The following PCDHGA4 variants were observed in gnomAD, a reference collection of about 807,000 sequenced individuals.
PCDHGA4 encodes protocadherin gamma subfamily A, 4, also known as protocadherin gamma-A4.
In PCDHGA4, 38 loss-of-function variants were observed where a neutral mutation model predicts 54.6. The ratio of observed to expected loss-of-function variants is 0.70; its 90% CI spans 0.54 to 0.91. PCDHGA4 has a LOEUF of 0.91. PCDHGA4 is among the 40% of genes least tolerant of loss of function. The probability of loss-of-function intolerance (pLI) is 0.00; values close to 1 mark genes in which losing one functional copy is unlikely to be tolerated. For missense variants in PCDHGA4, 1,298 were observed against 1,220.9 expected (o/e 1.06, Z -0.94); for synonymous variants, 511 against 512.9 (o/e 1.00, Z 0.05).
intron 1 of PCDHGA4, chr5:141,433,291 T>C: frequency 9.1e-7 from 1 of 1,094,048 alleles, no homozygotes; most frequent in Non-Finnish European, 1.3e-6. Context: ...ACTCCTAGGC[T>C]CAAGCAATTA....
chr5:141,423,184 C>G (rs747938944), intron 1 of PCDHGA4: 3 of 1,613,560 alleles, frequency 1.9e-6, no homozygotes, highest in Non-Finnish European at 2.5e-6. Context: ...CCACGGCCAG[C>G]CCCCTCTCTC....
chr5:141,409,904 G>T lies in PCDHGA4; in HGVS notation c.2514+52283G>T, dbSNP rs757396196. 10 of 1,613,278 alleles carry T rather than the reference G, an allele frequency of 6.2e-6. No homozygotes were observed. The South Asian group carries it at 1.1e-4, about 18-fold the overall frequency. On this transcript the variant is annotated intron_variant, in intron 1 of 3. Coordinates refer to ENST00000571252, the MANE Select transcript of PCDHGA4 (RefSeq NM_018917.4). ...ACCGCGGGTGCTGTACCCAGCTCTGGGTCCTGACGGCTCCGCGTTCTTCGA... is the reference window on the plus strand; with the variant it reads ...ACCGCGGGTGCTGTACCCAGCTCTGTGTCCTGACGGCTCCGCGTTCTTCGA...
rs888389135 is a variant in PCDHGA4 at position 141,487,089 on chromosome 5, C to T, written c.2515-7718C>T. 12 of 1,613,882 alleles carry T rather than the reference C, an allele frequency of 7.4e-6. No individual in the cohort carries two copies. Among genetic ancestry groups the T allele is most frequent in the Non-Finnish European group, 1.0e-5 (12 of 1,179,768 alleles). On this transcript the variant is annotated intron_variant, in intron 1 of 3. Coordinates refer to ENST00000571252, the MANE Select transcript of PCDHGA4 (RefSeq NM_018917.4). The surrounding 1 kb of genome is among the most constrained non-coding windows in gnomAD (Gnocchi z 5.0). The stretch of plus-strand genomic sequence containing the variant: ...GCTGTTCCTATCCCAGCTGACCTCC[C>T]ACCACAGAAGCTGGTCATTGTGGTA...
At chr5:141,448,990 T>C (rs1419678645) in intron 1 of PCDHGA4, among the ~76,000 whole-genome samples, 1 of 152,070 alleles carries the variant, frequency 6.6e-6, no homozygotes, top group Non-Finnish European at 1.5e-5. Flanking sequence ...TATTAATATA[T>C]AGAAAGCTGT....
chr5:141,394,184 C>T (rs1277537550), intron 1 of PCDHGA4: 1 of 1,613,944 alleles, frequency 6.2e-7, no homozygotes, highest in Non-Finnish European at 8.5e-7. Flanking sequence ...ATGCCTCCTA[C>T]TCAGCGTATA....
intron 1 of PCDHGA4, 162 bp from the exon 2 acceptor site, chr5:141,494,645 G>A: frequency 1.1e-6 from 1 of 935,948 alleles, no homozygotes. Flanking sequence ...GAGACCTGAG[G>A]TGTATTTTGT....
chr5:141,421,353 G>T, intron 1 of PCDHGA4: 1 of 1,613,998 alleles, frequency 6.2e-7, no homozygotes, highest in Non-Finnish European at 8.5e-7. Context: ...AGACCGAAAA[G>T]GGCTCCTTCG....
chr5:141,399,814 C>T, intron 1 of PCDHGA4: 2 of 1,613,238 alleles, frequency 1.2e-6, no homozygotes, highest in Non-Finnish European at 1.7e-6. Context: ...GTACCCCGCG[C>T]TGGGTCCCGA....
intron 1 of PCDHGA4, chr5:141,388,133 G>C: frequency 6.9e-7 from 1 of 1,450,894 alleles, no homozygotes. Flanking sequence ...AGAGCGGGGA[G>C]TTGCTTGTGA....
At chr5:141,465,767 T>A (rs1427458413) in intron 1 of PCDHGA4, among the ~76,000 whole-genome samples, 1 of 152,016 alleles carries the variant, frequency 6.6e-6, no homozygotes, top group Non-Finnish European at 1.5e-5. Context: ...TCATGTTTCA[T>A]CTCTTGTTAC....
In PCDHGA4 at chr5:141,477,500, T is replaced by C. The variant is rs757547508; in HGVS notation, c.2515-17307T>C. The C allele has an allele frequency of 3.1e-6, 5 of 1,614,156 alleles. No homozygotes were observed. Among genetic ancestry groups the C allele is most frequent in the Non-Finnish European group, 4.2e-6 (5 of 1,180,026 alleles). ...CCCTCCACAATCTTCTCAATCTTCC[T>C]ACGACGTTTACATTGAAGAAAACAA... On this transcript the variant is annotated intron_variant, in intron 1 of 3. Coordinates refer to ENST00000571252, the MANE Select transcript of PCDHGA4 (RefSeq NM_018917.4). This position sits in a 1 kb window ranked among gnomAD's most constrained non-coding sequence, Gnocchi z 4.9.
Position 141,356,606 on chromosome 5 carries a change from C to A in PCDHGA4, c.1499C>A (p.Ala500Asp). ...ATTCCTGAAAACAACCCCAGAGGAG[C>A]CTCCATCTTATCTATGACTGCTCAA... ...AYIPENNPRGASILSMTAQDP... is the reference protein window; with the variant it reads ...AYIPENNPRGDSILSMTAQDP... The change falls in exon 1 of 4, where the codon GCC (alanine) becomes GAC (aspartate). Residue 500 changes from alanine (A) to aspartate (D), a missense_variant. Physicochemically the swap from Ala to Asp is moderately radical, Grantham distance 126 (BLOSUM62 -2). Transcript: ENST00000571252. 6.2e-7 allele frequency: 1 copy of A among 1,614,182 alleles called. No individual in the cohort carries two copies. Among genetic ancestry groups the A allele is most frequent in the Non-Finnish European group, 8.5e-7 (1 of 1,180,032 alleles).
In PCDHGA4 at chr5:141,355,771, T is replaced by C. The variant is rs1160027293; in HGVS notation, c.664T>C (p.Tyr222His). Residue 222 changes from tyrosine (Y) to histidine (H), a missense_variant, in exon 1 of 4, where the codon TAC becomes CAC. Tyr to His is a moderately conservative substitution (Grantham distance 83). Coordinates refer to ENST00000571252, the MANE Select transcript of PCDHGA4 (RefSeq NM_018917.4). ...GCAAAGTGGGGCCGATGGGATTAAG[T>C]ACCCAGAGCTGGTGCTGGAACGCGC... ...DVQSGADGIK[Y>H]PELVLERALD... 3 of 1,613,870 alleles carry C rather than the reference T, an allele frequency of 1.9e-6. No homozygotes were observed. The highest frequency in any genetic ancestry group is 2.5e-6 in the Non-Finnish European group (3 of 1,179,820).
At position 141,489,748 on chromosome 5, in the gene PCDHGA4, T is replaced by C. The variant is rs763688648; in HGVS notation, c.2515-5059T>C. On this transcript the variant is annotated intron_variant, in intron 1 of 3. Transcript: ENST00000571252. The surrounding 1 kb of genome is among the most constrained non-coding windows in gnomAD (Gnocchi z 4.5). ...TGTGGGCACCAATACTGTGAGCTTT[T>C]ACACTCTAAGCCCCAACAGCCACTT... is the stretch of plus-strand genomic sequence containing the variant. The C allele has an allele frequency of 1.8e-5, 29 of 1,614,038 alleles. No homozygotes were observed. Among genetic ancestry groups the C allele is most frequent in the Non-Finnish European group, 1.6e-5 (19 of 1,180,010 alleles).
rs1220353816 is a variant in PCDHGA4, at chr5:141,396,426, C to T, written c.2514+38805C>T. Reference sequence around the variant, plus strand: ...CTGAGGTCAGGAGTTCAAGATCAGCCTGGCAAACATGGTGAAACCCCGTCT... The same window carrying T: ...CTGAGGTCAGGAGTTCAAGATCAGCTTGGCAAACATGGTGAAACCCCGTCT... On this transcript the variant is annotated intron_variant, in intron 1 of 3. Coordinates refer to ENST00000571252, the MANE Select transcript of PCDHGA4 (RefSeq NM_018917.4). The T allele has an allele frequency of 5.9e-5, 9 of 152,308 alleles. 1 individual carries two copies. The highest frequency in any genetic ancestry group is 2.2e-4 in the African/African-American group (9 of 41,552). 9.4% of individuals were successfully genotyped at this position (152,308 alleles called of 1,614,324 possible). A position where few individuals can be genotyped will look rare whatever the true frequency, so the allele number is the denominator to read the frequency against.
intron 1 of PCDHGA4, chr5:141,384,152 A>G: frequency 2.5e-6 from 4 of 1,613,508 alleles, no homozygotes; most frequent in Non-Finnish European, 3.4e-6. Flanking sequence ...CTCTCTTTGT[A>G]TAACATCACA....
chr5:141,390,542 G>A, intron 1 of PCDHGA4: 1 of 511,902 alleles, frequency 2.0e-6, no homozygotes, highest in South Asian at 2.4e-5. Context: ...TAACCACAAA[G>A]TGAAAGTGTT....
At chr5:141,389,160 G>C in intron 1 of PCDHGA4, 4 of 1,613,996 alleles carry the variant, frequency 2.5e-6, no homozygotes, top group Non-Finnish European at 3.4e-6. Flanking sequence ...AACAGATCGG[G>C]GCAAGCCTCC....
At chr5:141,384,893 C>G in intron 1 of PCDHGA4, 2 of 1,613,890 alleles carry the variant, frequency 1.2e-6, no homozygotes, top group Non-Finnish European at 1.7e-6. Context: ...GTGGCTGTGG[C>G]TGACAGCATC....
Sources: allele counts gnomAD v4.1 joint callset (sites outside exome capture counted in the v4.1 genomes callset), GRCh38; gene constraint gnomAD v4.1.1; non-coding constraint Gnocchi (gnomAD v3.1); transcripts MANE v1.5; gene names NCBI Gene and HGNC (gene_info 2026-07-23, HGNC 2026-07-21).